The following ZNF618 variants were observed in gnomAD, a reference collection of about 807,000 sequenced individuals.
The protein encoded by ZNF618 is zinc finger protein 618, also known as neural precursor cell expressed, developmentally down-regulated 10.
A neutral mutation model predicts 103.0 loss-of-function variants in ZNF618; 34 were observed. That is an observed-to-expected ratio of 0.33 (90% CI 0.25 to 0.44). The LOEUF is 0.44. ZNF618 is among the 20% of genes least tolerant of loss of function. The probability of loss-of-function intolerance (pLI) is 1.00; values close to 1 mark genes in which losing one functional copy is unlikely to be tolerated. For missense variants in ZNF618, 1,059 were observed against 1,295.4 expected (o/e 0.82, Z 2.80); for synonymous variants, 551 against 542.2 (o/e 1.02, Z -0.23).
intron 2 of ZNF618, among the ~76,000 whole-genome samples, 165 bp from the exon 3 acceptor site, chr9:113,988,156 G>A (rs1335294303): frequency 6.6e-6 from 1 of 152,236 alleles, no homozygotes; most frequent in East Asian, 1.9e-4. Flanking sequence ...TTCCCTGGAA[G>A]AGCCTCAGGG....
intron 6 of ZNF618, 67 bp from the exon 7 acceptor site, chr9:114,007,283 G>T: frequency 7.1e-7 from 1 of 1,407,072 alleles, no homozygotes; most frequent in Non-Finnish European, 9.9e-7. Context: ...AGATGATCTG[G>T]CCAGAAAAAC....
intron 6 of ZNF618, among the ~76,000 whole-genome samples, chr9:114,003,169 C>T (rs1050998764): frequency 2.6e-5 from 4 of 152,232 alleles, no homozygotes; most frequent in Admixed American, 2.6e-4. Flanking sequence ...GTGATTTGCC[C>T]TGAGGTGCCA....
chr9:114,020,886 C>T (rs990520698), intron 10 of ZNF618, among the ~76,000 whole-genome samples: 1 of 151,886 alleles, frequency 6.6e-6, no homozygotes, highest in African/African-American at 2.4e-5. Flanking sequence ...TCATAGAGTT[C>T]AGTTTTTTAT....
intron 9 of ZNF618, among the ~76,000 whole-genome samples, chr9:114,015,278 A>G (rs891353599): frequency 6.6e-6 from 1 of 152,274 alleles, no homozygotes; most frequent in Non-Finnish European, 1.5e-5. Flanking sequence ...TAATCTACAA[A>G]GAGTTTAGCC....
chr9:113,975,715 TGAGTGTTTCA>T (rs895534572), intron 2 of ZNF618, among the ~76,000 whole-genome samples: 2 of 152,196 alleles, frequency 1.3e-5, no homozygotes, highest in African/African-American at 4.8e-5. Context: ...CTTCTGGCCC[TGAGTGTTTCA>T]GATGAGGAGT....
chr9:113,928,634 CTTTGTTT>C (rs1833302578), intron 1 of ZNF618, among the ~76,000 whole-genome samples: 1 of 152,074 alleles, frequency 6.6e-6, no homozygotes, highest in Non-Finnish European at 1.5e-5. Context: ...TTCCTCTTTT[CTTTGTTT>C]TTTGTTTTCT....
chr9:113,942,143 C>T (rs1834609675), intron 1 of ZNF618, among the ~76,000 whole-genome samples: 1 of 152,184 alleles, frequency 6.6e-6, no homozygotes, highest in Admixed American at 6.5e-5. Flanking sequence ...AAGAAGTGGG[C>T]TTTTGAGCAG....
At chr9:114,047,028 A>G (rs1474888136) in intron 13 of ZNF618, among the ~76,000 whole-genome samples, 3 of 152,204 alleles carry the variant, frequency 2.0e-5, no homozygotes, top group African/African-American at 7.2e-5. Flanking sequence ...GTGGTTAAGC[A>G]AGCTGTGATA....
At chr9:113,906,950 T>G (rs1831045065) in intron 1 of ZNF618, among the ~76,000 whole-genome samples, 1 of 152,202 alleles carries the variant, frequency 6.6e-6, no homozygotes, top group Admixed American at 6.5e-5. Context: ...GGTGACTTCT[T>G]CAGGCAGGCC....
chr9:113,987,417 G>T (rs1839588504), intron 2 of ZNF618, among the ~76,000 whole-genome samples: 1 of 152,120 alleles, frequency 6.6e-6, no homozygotes, highest in African/African-American at 2.4e-5. Context: ...CTTCAGAACT[G>T]ACATCATTAC....
chr9:113,997,086 C>CTTTCTTCTTCTTCTTT, intron 3 of ZNF618, among the ~76,000 whole-genome samples: 1 of 151,426 alleles, frequency 6.6e-6, no homozygotes, highest in East Asian at 1.9e-4. Context: ...TCTTCCTCTT[C>CTTTCTTCTTCTTCTTT]TTTCTTCTTC....
At chr9:113,923,658 T>A (rs1832838669) in intron 1 of ZNF618, among the ~76,000 whole-genome samples, 1 of 152,174 alleles carries the variant, frequency 6.6e-6, no homozygotes, top group Admixed American at 6.5e-5. Context: ...ATACACTTTT[T>A]AAAACATTTT....
chr9:113,969,170 C>T lies in ZNF618; in HGVS notation c.77+10C>T. The T allele has an allele frequency of 1.9e-6, 3 of 1,613,954 alleles. No homozygotes were observed. Among genetic ancestry groups the T allele is most frequent in the Non-Finnish European group, 1.7e-6 (2 of 1,179,866 alleles). ...AAAGCACTGCGAGCAGGTACACTCC[C>T]TCTCCCGCCCCCAGCTTGTCCACCC... On this transcript the variant is annotated intron_variant, in intron 2 of 14. Coordinates refer to ENST00000374126, the MANE Select transcript of ZNF618 (RefSeq NM_001318042.2).
intron 1 of ZNF618, among the ~76,000 whole-genome samples, chr9:113,883,935 C>T (rs1183022396): frequency 7.7e-6 from 1 of 130,508 alleles, no homozygotes; most frequent in Non-Finnish European, 1.6e-5. Context: ...AGGACTATGA[C>T]CTGTGGGGGC....
chr9:113,987,846 A>G (rs1319379558), intron 2 of ZNF618, among the ~76,000 whole-genome samples: 1 of 152,168 alleles, frequency 6.6e-6, no homozygotes, highest in African/African-American at 2.4e-5. Flanking sequence ...AGGAAAAGAA[A>G]TGCAGAATCT....
chr9:113,944,488 AG>A, intron 1 of ZNF618, among the ~76,000 whole-genome samples: 1 of 152,288 alleles, frequency 6.6e-6, no homozygotes, highest in East Asian at 1.9e-4. Flanking sequence ...CATGTTGGCC[AG>A]GCTGGTCTTG....
intron 1 of ZNF618, among the ~76,000 whole-genome samples, chr9:113,922,273 A>G (rs766539678): frequency 1.9e-4 from 29 of 152,194 alleles, no homozygotes; most frequent in Admixed American, 9.8e-4. Flanking sequence ...CTGATAGTGA[A>G]AGTCGTCATG....
intron 1 of ZNF618, among the ~76,000 whole-genome samples, chr9:113,963,326 CAT>C (rs1396336812): frequency 1.3e-5 from 2 of 152,112 alleles, no homozygotes; most frequent in African/African-American, 4.8e-5. Flanking sequence ...TTTGTACTAA[CAT>C]ATAAAAATAT....
chr9:113,904,800 TGGGCA>T (rs1414469887), intron 1 of ZNF618, among the ~76,000 whole-genome samples: 1 of 152,156 alleles, frequency 6.6e-6, no homozygotes, highest in Non-Finnish European at 1.5e-5. Context: ...CTAGCAACAT[TGGGCA>T]GAGTTCTTCT....
Sources: allele counts gnomAD v4.1 joint callset (sites outside exome capture counted in the v4.1 genomes callset), GRCh38; gene constraint gnomAD v4.1.1; transcripts MANE v1.5; gene names NCBI Gene and HGNC (gene_info 2026-07-23, HGNC 2026-07-21).